Variants in CADPS observed in about 807,000 individuals in gnomAD.
CADPS encodes the protein calcium dependent secretion activator, also known as calcium-dependent secretion activator 1.
A neutral mutation model predicts 167.3 loss-of-function variants in CADPS; 57 were observed. The observed-to-expected ratio is 0.34, with a 90% CI of 0.28 to 0.42. The LOEUF (loss-of-function observed/expected upper bound fraction) is 0.42, where lower values mean the gene tolerates loss of function less well. Among genes scored for constraint, CADPS ranks in the 20% least tolerant of loss-of-function variants. The pLI, the probability that CADPS is intolerant of heterozygous loss-of-function variation, is 1.00. For synonymous variants in CADPS, 676 were observed against 635.3 expected, an observed-to-expected ratio of 1.06 and a Z score of -0.96; for missense variants, 1,414 against 1,738.1, an observed-to-expected ratio of 0.81 and a Z score of 3.32.
chr3:62,678,411 T>C (rs2076642989), intron 3 of CADPS, among the ~76,000 whole-genome samples: 1 of 152,146 alleles, frequency 6.6e-6, no homozygotes, highest in Admixed American at 6.6e-5. Flanking sequence ...CCATTTTTAG[T>C]TAAGTTTTTA....
intron 3 of CADPS, among the ~76,000 whole-genome samples, chr3:62,721,138 A>ATTTTTTTTTTTT (rs1430413610): frequency 6.6e-4 from 52 of 79,072 alleles, no homozygotes; most frequent in African/African-American, 2.2e-3. Flanking sequence ...TTTTTTTAAA[A>ATTTTTTTTTTTT]AAAAAAAGAA....
intron 7 of CADPS, among the ~76,000 whole-genome samples, chr3:62,591,513 T>C (rs2086024364): frequency 2.0e-5 from 3 of 151,968 alleles, no homozygotes; most frequent in African/African-American, 7.3e-5. Flanking sequence ...GGGATTGAAA[T>C]TTGGCCAATG....
At chr3:62,481,627 C>T (rs1428441366) in intron 22 of CADPS, 96 bp downstream of exon 22, 1 of 1,108,832 alleles carries the variant, frequency 9.0e-7, no homozygotes, top group Non-Finnish European at 1.3e-6. Flanking sequence ...TATCCATCTC[C>T]ATCTCTGTTA....
Position 62,753,868 on chromosome 3 carries a change from G to A in CADPS, c.556-95C>T, listed in dbSNP as rs149699110. 0.023 allele frequency: 27,612 copies of A among 1,221,166 alleles called. 435 individuals carry two copies. Among genetic ancestry groups the A allele is most frequent in the South Asian group, 0.053 (3,468 of 65,786 alleles). The allele number at this position is 1,221,166 out of a possible 1,614,324, so 75.6% of individuals were successfully genotyped here. The stretch of plus-strand genomic sequence containing the variant: ...GACACTGGGCCAGTCCACCTCACGT[G>A]CATCCCAGGAGGAACCACTGTGGGT... On this transcript the variant is annotated intron_variant, in intron 2 of 29. Coordinates refer to ENST00000383710, the MANE Select transcript of CADPS (RefSeq NM_003716.4). This position sits in a 1 kb window ranked among gnomAD's most constrained non-coding sequence, Gnocchi z 4.6.
At chr3:62,405,899 G>GA (rs1292586138) in intron 28 of CADPS, among the ~76,000 whole-genome samples, 1 of 152,112 alleles carries the variant, frequency 6.6e-6, no homozygotes, top group Non-Finnish European at 1.5e-5. Context: ...TTGGATGTCG[G>GA]AAAAAACAGG....
chr3:62,511,642 T>G (rs934429164), intron 17 of CADPS, among the ~76,000 whole-genome samples: 3 of 152,190 alleles, frequency 2.0e-5, no homozygotes, highest in Admixed American at 1.3e-4. Context: ...CCTTTGCTTA[T>G]TCTAATTCAT....
chr3:62,831,894 G>C (rs1207444204), intron 1 of CADPS, among the ~76,000 whole-genome samples: 1 of 152,172 alleles, frequency 6.6e-6, no homozygotes, highest in Non-Finnish European at 1.5e-5. Flanking sequence ...ATTTGGAACA[G>C]GTGAGAAAAC....
intron 26 of CADPS, among the ~76,000 whole-genome samples, chr3:62,464,375 C>T (rs1471100612): frequency 6.6e-6 from 1 of 152,144 alleles, no homozygotes; most frequent in Non-Finnish European, 1.5e-5. Flanking sequence ...TACAGTGAGG[C>T]TGTTTTAAAG....
chr3:62,684,378 A>T (rs1449139113), intron 3 of CADPS, among the ~76,000 whole-genome samples: 1 of 151,996 alleles, frequency 6.6e-6, no homozygotes, highest in Non-Finnish European at 1.5e-5. Context: ...TTTGGCTCTA[A>T]TGATGATCCA....
chr3:62,768,955 G>T (rs775241135), intron 1 of CADPS, among the ~76,000 whole-genome samples: 1 of 152,152 alleles, frequency 6.6e-6, no homozygotes, highest in African/African-American at 2.4e-5. Flanking sequence ...CTTTGCTTAT[G>T]TCTGGGTTTT....
chr3:62,831,722 T>C (rs2075128306), intron 1 of CADPS, among the ~76,000 whole-genome samples: 1 of 152,144 alleles, frequency 6.6e-6, no homozygotes, highest in Non-Finnish European at 1.5e-5. Context: ...GCTGAATAAA[T>C]GAGTGATCCA....
At chr3:62,418,754 T>G (rs2149379498) in intron 28 of CADPS, among the ~76,000 whole-genome samples, 1 of 152,104 alleles carries the variant, frequency 6.6e-6, no homozygotes, top group South Asian at 2.1e-4. Context: ...TGCCCAAATA[T>G]CAAAATATAC....
Position 62,791,270 on chromosome 3 carries a change from C to A in CADPS, c.442-25286G>T, listed in dbSNP as rs1176537851. Among the ~76,000 whole-genome samples the A allele has an allele frequency of 2.6e-5, 4 of 152,092 alleles. No individual in the cohort carries two copies. The East Asian group carries it at 7.7e-4, about 29-fold the overall frequency. ...TGTACAATATGGTAGACAATAGCTA[C>A]ATGTGGTTAGTTAGTGCTTGCAATA... On this transcript the variant is annotated intron_variant, in intron 1 of 29. Coordinates refer to ENST00000383710, the MANE Select transcript of CADPS (RefSeq NM_003716.4).
At chr3:62,824,402 T>C (rs1023468829) in intron 1 of CADPS, among the ~76,000 whole-genome samples, 1 of 152,158 alleles carries the variant, frequency 6.6e-6, no homozygotes, top group Non-Finnish European at 1.5e-5. Context: ...TGGGAACAAA[T>C]GTAAGCTTTA....
intron 3 of CADPS, among the ~76,000 whole-genome samples, chr3:62,720,623 G>A (rs472502): frequency 0.2 from 30,716 of 151,668 alleles, 3,322 homozygotes; most frequent in African/African-American, 0.23. Flanking sequence ...ACAGGCATGA[G>A]CCACTGCACC....
chr3:62,484,774 G>A (rs1194136017), intron 21 of CADPS, among the ~76,000 whole-genome samples: 2 of 152,164 alleles, frequency 1.3e-5, no homozygotes, highest in African/African-American at 4.8e-5. Flanking sequence ...ACTCCATGCA[G>A]AAGGGATAGA....
intron 11 of CADPS, among the ~76,000 whole-genome samples, chr3:62,542,297 T>C (rs553971821): frequency 6.6e-6 from 1 of 152,144 alleles, no homozygotes; most frequent in East Asian, 1.9e-4. Context: ...AAACTGCAAA[T>C]TAAAAGGTGA....
chr3:62,711,484 T>G (rs1243359909), intron 3 of CADPS, among the ~76,000 whole-genome samples: 1 of 152,222 alleles, frequency 6.6e-6, no homozygotes, highest in African/African-American at 2.4e-5. Flanking sequence ...ATTCATAGAC[T>G]CCTCCAAAAT....
At chr3:62,724,315 T>C (rs575198) in intron 3 of CADPS, among the ~76,000 whole-genome samples, 34,114 of 152,104 alleles carry the variant, frequency 0.22, 4,074 homozygotes, top group African/African-American at 0.3. Flanking sequence ...TCCCTTTTAC[T>C]GATGAACTCA....
Sources: gnomAD v4.1 joint callset for allele counts (sites outside exome capture counted in the v4.1 genomes callset) on GRCh38, gnomAD v4.1.1 for gene constraint, Gnocchi (gnomAD v3.1) non-coding constraint, MANE v1.5 for transcripts, NCBI Gene and HGNC (gene_info 2026-07-23, HGNC 2026-07-21) for gene names.